LOC128462377: variants seen among roughly 807,000 people sequenced by gnomAD.
At chr16:89,323,208 A>T in the LOC128462377 span, 1 of 880,212 alleles carries the variant, frequency 1.1e-6, no homozygotes, top group Non-Finnish European at 1.6e-6. Context: ...GAAGTCTCCA[A>T]CGGACTGAGC....
the LOC128462377 span, among the ~76,000 whole-genome samples, chr16:89,354,829 G>A: frequency 6.6e-6 from 1 of 151,942 alleles, no homozygotes; most frequent in Non-Finnish European, 1.5e-5. Context: ...GGAGGTTGCA[G>A]TGAGCCGAGA....
the LOC128462377 span, among the ~76,000 whole-genome samples, chr16:89,356,816 C>T: frequency 6.6e-6 from 1 of 150,562 alleles, no homozygotes; most frequent in Non-Finnish European, 1.5e-5. Context: ...AAAAAAAGAA[C>T]GTAATGGTAC....
chr16:89,340,578 T>C, the LOC128462377 span, among the ~76,000 whole-genome samples: 3 of 152,222 alleles, frequency 2.0e-5, no homozygotes, highest in Admixed American at 6.5e-5. Context: ...CCCAGTCCTG[T>C]TGTAAATCTT....
chr16:89,339,083 C>T, the LOC128462377 span, among the ~76,000 whole-genome samples: 2 of 152,096 alleles, frequency 1.3e-5, no homozygotes, highest in African/African-American at 2.4e-5. Flanking sequence ...CCTGGGTAAC[C>T]GCTGATGGGT....
chr16:89,347,327 C>T, the LOC128462377 span, among the ~76,000 whole-genome samples: 1 of 152,090 alleles, frequency 6.6e-6, no homozygotes, highest in African/African-American at 2.4e-5. Flanking sequence ...GAGTTCCGTT[C>T]GGCCGGGCAC....
chr16:89,415,488 T>C, the LOC128462377 span, among the ~76,000 whole-genome samples: 8 of 149,790 alleles, frequency 5.3e-5, no homozygotes, highest in African/African-American at 1.7e-4. Context: ...ATGGTCTTGA[T>C]CTCCTGACCT....
At chr16:89,353,360 G>C in the LOC128462377 span, among the ~76,000 whole-genome samples, 3 of 150,540 alleles carry the variant, frequency 2.0e-5, no homozygotes, top group Admixed American at 6.6e-5. Context: ...AAGAGAGAGA[G>C]AGAGAGAGAG....
chr16:89,317,185 G>T, the LOC128462377 span: 1 of 839,672 alleles, frequency 1.2e-6, no homozygotes. Flanking sequence ...GCAGGCAGCT[G>T]CTCTGATCAG....
chr16:89,380,626 G>A, the LOC128462377 span, among the ~76,000 whole-genome samples: 1 of 152,198 alleles, frequency 6.6e-6, no homozygotes, highest in Non-Finnish European at 1.5e-5. Flanking sequence ...TTTGTTAAAA[G>A]ACAATAACCA....
At chr16:89,336,029 C>T in the LOC128462377 span, among the ~76,000 whole-genome samples, 1 of 152,194 alleles carries the variant, frequency 6.6e-6, no homozygotes, top group South Asian at 2.1e-4. Flanking sequence ...GAAGTGATGG[C>T]CAACATCACA....
the LOC128462377 span, among the ~76,000 whole-genome samples, chr16:89,357,965 T>G: frequency 6.6e-6 from 1 of 152,250 alleles, no homozygotes; most frequent in South Asian, 2.1e-4. Context: ...TCAGATTTAG[T>G]TATGATGCTC....
the LOC128462377 span, among the ~76,000 whole-genome samples, chr16:89,386,390 C>T: frequency 6.6e-6 from 1 of 152,148 alleles, no homozygotes; most frequent in Admixed American, 6.5e-5. Flanking sequence ...CCACACTGCC[C>T]TGCTGCCCCA....
At chr16:89,335,569 A>T in the LOC128462377 span, among the ~76,000 whole-genome samples, 40 of 152,366 alleles carry the variant, frequency 2.6e-4, no homozygotes, top group African/African-American at 9.6e-4. Flanking sequence ...ACCCTGTAGC[A>T]GAACAGCGAG....
At chr16:89,371,804 C>T in the LOC128462377 span, among the ~76,000 whole-genome samples, 1 of 152,190 alleles carries the variant, frequency 6.6e-6, no homozygotes, top group Admixed American at 6.5e-5. Flanking sequence ...CGCCCTCTGC[C>T]CAGGCCAGCA....
chr16:89,371,526 TG>T, the LOC128462377 span, among the ~76,000 whole-genome samples: 5 of 152,164 alleles, frequency 3.3e-5, no homozygotes, highest in Non-Finnish European at 7.4e-5. Context: ...CACCCACAGA[TG>T]AGTTCTCTCA....
chr16:89,408,152 C>G, the LOC128462377 span, among the ~76,000 whole-genome samples: 1 of 152,248 alleles, frequency 6.6e-6, no homozygotes, highest in Middle Eastern at 3.4e-3. Flanking sequence ...CGCATGGCCC[C>G]AGAAGGCTGC....
chr16:89,336,920 A>G, the LOC128462377 span, among the ~76,000 whole-genome samples: 3 of 148,978 alleles, frequency 2.0e-5, no homozygotes, highest in African/African-American at 7.4e-5. Flanking sequence ...CTGTAATCCT[A>G]GCACTTTAGG....
At chr16:89,382,856 T>C in the LOC128462377 span, among the ~76,000 whole-genome samples, 2 of 152,046 alleles carry the variant, frequency 1.3e-5, no homozygotes, top group Non-Finnish European at 2.9e-5. Flanking sequence ...TGCCCATTTT[T>C]TGAGACAGAG....
the LOC128462377 span, chr16:89,323,774 C>G: frequency 2.3e-5 from 6 of 255,500 alleles, no homozygotes; most frequent in Admixed American, 2.6e-4. Context: ...AGGGCCGCAC[C>G]AGCTCTCTCT....
Sources: gnomAD v4.1 joint callset for allele counts (sites outside exome capture counted in the v4.1 genomes callset) on GRCh38, gnomAD v4.1.1 for gene constraint, MANE v1.5 for transcripts.